The following TENM2 variants were observed in gnomAD, a reference collection of about 807,000 sequenced individuals.
TENM2 encodes the protein teneurin transmembrane protein 2, also known as teneurin-2.
TENM2 carries 52 observed loss-of-function variants against 245.2 expected under a neutral mutation model. That is an observed-to-expected ratio of 0.21 (90% CI 0.17 to 0.27). TENM2 has a LOEUF of 0.27. Among genes scored for constraint, TENM2 ranks in the 10% least tolerant of loss-of-function variants. The pLI is 1.00. For synonymous variants in TENM2, 1,363 were observed against 1,438.9 expected (o/e 0.95, Z 1.19); for missense variants, 3,046 against 3,666.8 (o/e 0.83, Z 4.37).
chr5:166,998,609 A>G, the TENM2 span, among the ~76,000 whole-genome samples: 1 of 152,200 alleles, frequency 6.6e-6, no homozygotes. Flanking sequence ...CTTCTACAAA[A>G]TTTCAAGAAA....
At chr5:167,070,696 C>T in the TENM2 span, among the ~76,000 whole-genome samples, 2 of 151,996 alleles carry the variant, frequency 1.3e-5, no homozygotes. Context: ...TGTCTAGGAT[C>T]ATGTGACTGT....
At chr5:167,831,219 G>A (rs1768449098) in intron 2 of TENM2, among the ~76,000 whole-genome samples, 1 of 152,064 alleles carries the variant, frequency 6.6e-6, no homozygotes, top group African/African-American at 2.4e-5. Context: ...ATACATTCTT[G>A]TGGATGCAGG....
At chr5:167,930,778 G>A (rs1020036101) in intron 3 of TENM2, among the ~76,000 whole-genome samples, 3 of 149,186 alleles carry the variant, frequency 2.0e-5, no homozygotes, top group Admixed American at 2.0e-4. Flanking sequence ...TTTTAAAAAA[G>A]CATGATTTCT....
the TENM2 span, among the ~76,000 whole-genome samples, chr5:167,104,305 G>A: frequency 1.3e-5 from 2 of 152,212 alleles, no homozygotes; most frequent in South Asian, 4.1e-4. Context: ...GGCTGGGAAG[G>A]GTCATTACCA....
intron 8 of TENM2, among the ~76,000 whole-genome samples, chr5:168,094,991 G>GATCTGT (rs1413403368): frequency 6.6e-6 from 1 of 151,594 alleles, no homozygotes; most frequent in African/African-American, 2.4e-5. Context: ...AACGCCTGAT[G>GATCTGT]ATCTGTCACT....
chr5:167,835,031 T>C (rs998728311), intron 2 of TENM2, among the ~76,000 whole-genome samples: 3 of 152,146 alleles, frequency 2.0e-5, no homozygotes, highest in Non-Finnish European at 4.4e-5. Flanking sequence ...AATATCTGGG[T>C]TCAAATCCTC....
intron 10 of TENM2, among the ~76,000 whole-genome samples, chr5:168,123,148 AC>A (rs1562187167): frequency 7.2e-6 from 1 of 138,558 alleles, no homozygotes; most frequent in African/African-American, 2.7e-5. Flanking sequence ...AAAAAAAAAA[AC>A]ATAGCTGGAC....
the TENM2 span, among the ~76,000 whole-genome samples, chr5:167,249,820 A>G: frequency 2.6e-5 from 1 of 38,468 alleles, no homozygotes; most frequent in South Asian, 8.5e-4. Flanking sequence ...TCCTCTCTAA[A>G]TGTGTTTCTC....
At chr5:168,067,871 G>A (rs911838142) in intron 7 of TENM2, among the ~76,000 whole-genome samples, 3 of 152,148 alleles carry the variant, frequency 2.0e-5, no homozygotes, top group South Asian at 4.1e-4. Context: ...ATCAAATCGC[G>A]CTTTGCAGAA....
chr5:167,322,740 A>T (rs1756846031), intron 1 of TENM2, among the ~76,000 whole-genome samples: 1 of 152,192 alleles, frequency 6.6e-6, no homozygotes, highest in Admixed American at 6.5e-5. Flanking sequence ...GGGTCATTCA[A>T]GGTACTTCAC....
intron 2 of TENM2, among the ~76,000 whole-genome samples, chr5:167,551,753 A>T (rs940151014): frequency 6.6e-6 from 1 of 152,224 alleles, no homozygotes; most frequent in African/African-American, 2.4e-5. Flanking sequence ...AACTTACTCC[A>T]TTGTGTGCCT....
At chr5:167,584,630 T>C (rs1408172913) in intron 2 of TENM2, among the ~76,000 whole-genome samples, 4 of 152,102 alleles carry the variant, frequency 2.6e-5, no homozygotes, top group East Asian at 1.9e-4. Context: ...TCAGCATCAA[T>C]CGGCCTTAGA....
chr5:167,834,684 C>T (rs908600861), intron 2 of TENM2, among the ~76,000 whole-genome samples: 1 of 139,824 alleles, frequency 7.2e-6, no homozygotes. Context: ...GAGTCTCGCT[C>T]TGTAGCCCAG....
chr5:168,045,233 A>G (rs1250243920), intron 5 of TENM2, among the ~76,000 whole-genome samples: 1 of 152,034 alleles, frequency 6.6e-6, no homozygotes, highest in East Asian at 1.9e-4. Context: ...TTTCCACCTC[A>G]TCTGTAGTTT....
At chr5:168,219,274 A>C (rs1763461390) in intron 23 of TENM2, among the ~76,000 whole-genome samples, 1 of 152,158 alleles carries the variant, frequency 6.6e-6, no homozygotes. Flanking sequence ...CATGCACAGC[A>C]CCTGGGAGGT....
intron 2 of TENM2, among the ~76,000 whole-genome samples, chr5:167,419,085 T>G (rs1265253498): frequency 6.6e-6 from 1 of 151,804 alleles, no homozygotes; most frequent in Non-Finnish European, 1.5e-5. Context: ...AAATACAACA[T>G]ACTATATGTA....
At chr5:167,569,332 T>A (rs1167236568) in intron 2 of TENM2, among the ~76,000 whole-genome samples, 3 of 152,134 alleles carry the variant, frequency 2.0e-5, no homozygotes, top group Admixed American at 2.0e-4. Context: ...ATAAGCAAGC[T>A]ACTTTGTTTA....
At chr5:167,019,126 G>A in the TENM2 span, among the ~76,000 whole-genome samples, 27 of 143,234 alleles carry the variant, frequency 1.9e-4, no homozygotes, top group East Asian at 5.6e-3. Context: ...CCACAAATTA[G>A]AGATTTAGAT....
In TENM2 at chr5:168,175,114, C is replaced by A. The variant is rs116740290; in HGVS notation, c.2569+12357C>A. Among the ~76,000 whole-genome samples the A allele has an allele frequency of 4.3e-3, 648 of 152,290 alleles. 1 individual carries two copies. Among genetic ancestry groups the A allele is most frequent in the African/African-American group, 0.015 (618 of 41,562 alleles). On this transcript the variant is annotated intron_variant, in intron 13 of 28. Transcript: ENST00000518659. ...GTGCTTCCTTGAGCAAAGGACCTAACGTGTCTGAGACTCAGTTCTCTCATC... is the reference window on the plus strand; with the variant it reads ...GTGCTTCCTTGAGCAAAGGACCTAAAGTGTCTGAGACTCAGTTCTCTCATC...
Sources: allele counts gnomAD v4.1 joint callset (sites outside exome capture counted in the v4.1 genomes callset), GRCh38; gene constraint gnomAD v4.1.1; transcripts MANE v1.5; gene names NCBI Gene and HGNC (gene_info 2026-07-23, HGNC 2026-07-21).